The following FOXO1 variants were observed in gnomAD, a reference collection of about 807,000 sequenced individuals.
FOXO1 encodes forkhead box protein O1.
Under a neutral mutation model 44.1 loss-of-function variants are expected in FOXO1, and 6 were observed. The ratio of observed to expected loss-of-function variants is 0.14; its 90% CI spans 0.07 to 0.27. The LOEUF is 0.27. Ranked by LOEUF, FOXO1 falls within the 10% of genes least tolerant of loss-of-function variation. The pLI is 1.00. For synonymous variants in FOXO1, 380 were observed against 362.7 expected (o/e 1.05, Z -0.54); for missense variants, 737 against 888.8 (o/e 0.83, Z 2.17).
At chr13:40,659,374 C>CTCTCATA (rs1279215875) in intron 1 of FOXO1, among the ~76,000 whole-genome samples, 1 of 149,960 alleles carries the variant, frequency 6.7e-6, no homozygotes, top group Non-Finnish European at 1.5e-5. Flanking sequence ...ACACGCCCAA[C>CTCTCATA]TCTCATAAAG....
At chr13:40,616,172 C>G (rs562549251) in intron 1 of FOXO1, among the ~76,000 whole-genome samples, 4 of 152,152 alleles carry the variant, frequency 2.6e-5, no homozygotes, top group South Asian at 2.1e-4. Context: ...CTTCCTAAAT[C>G]TGAAAGAGCT....
chr13:40,568,438 A>T (rs1874354134), intron 1 of FOXO1, among the ~76,000 whole-genome samples: 1 of 152,190 alleles, frequency 6.6e-6, no homozygotes, highest in East Asian at 1.9e-4. Context: ...AAACAAACTG[A>T]ACTAGGAAAA....
intron 1 of FOXO1, among the ~76,000 whole-genome samples, chr13:40,595,240 T>G (rs1292722166): frequency 6.6e-6 from 1 of 152,176 alleles, no homozygotes; most frequent in Non-Finnish European, 1.5e-5. Context: ...AAGCCTAGCT[T>G]TAAAAGAGCT....
intron 1 of FOXO1, among the ~76,000 whole-genome samples, chr13:40,616,386 A>T (rs984661257): frequency 2.0e-5 from 3 of 152,244 alleles, no homozygotes; most frequent in Non-Finnish European, 4.4e-5. Flanking sequence ...AGATGTATGA[A>T]GGACAGAGAA....
intron 1 of FOXO1, among the ~76,000 whole-genome samples, chr13:40,581,207 A>G (rs1452108773): frequency 6.6e-6 from 1 of 152,176 alleles, no homozygotes; most frequent in African/African-American, 2.4e-5. Context: ...AAAAACCTGA[A>G]GTGACACTGC....
At chr13:40,664,829 C>CCGCG (rs1878168581) in intron 1 of FOXO1, among the ~76,000 whole-genome samples, 3 of 151,620 alleles carry the variant, frequency 2.0e-5, no homozygotes, top group Non-Finnish European at 4.4e-5. Flanking sequence ...CCGCCACCGC[C>CCGCG]ACCGCCCGCG....
At chr13:40,595,395 G>C (rs143143309) in intron 1 of FOXO1, among the ~76,000 whole-genome samples, 1 of 152,132 alleles carries the variant, frequency 6.6e-6, no homozygotes, top group African/African-American at 2.4e-5. Flanking sequence ...TCAAAACGCA[G>C]ATCCTCGTTC....
chr13:40,596,740 T>C (rs1875591521), intron 1 of FOXO1, among the ~76,000 whole-genome samples: 1 of 152,150 alleles, frequency 6.6e-6, no homozygotes, highest in East Asian at 1.9e-4. Flanking sequence ...AAACGGAAGT[T>C]CCATGCCAGC....
Position 40,558,929 on chromosome 13 carries a change from T to TTC in FOXO1, c.*119_*120insGA. 2.5e-6 allele frequency: 1 copy of TTC among 396,790 alleles called. No individual in the cohort carries two copies. The highest frequency in any genetic ancestry group is 4.4e-6 in the Non-Finnish European group (1 of 225,232). 24.6% of individuals were successfully genotyped at this position (396,790 alleles called of 1,614,324 possible). A position where few individuals can be genotyped will look rare whatever the true frequency, so the allele number is the denominator to read the frequency against. ...AAAAAAGGAGGGTTTTTTTTTTTGT[T>TTC]TTTTTTTTTAACCAAGAAAACTAAA... On this transcript the variant is annotated 3_prime_UTR_variant, in exon 3 of 3. Coordinates refer to ENST00000379561, the MANE Select transcript of FOXO1 (RefSeq NM_002015.4).
chr13:40,581,237 G>A (rs1036876734), intron 1 of FOXO1, among the ~76,000 whole-genome samples: 1 of 152,182 alleles, frequency 6.6e-6, no homozygotes, highest in Non-Finnish European at 1.5e-5. Flanking sequence ...AAAAAGGGGA[G>A]CGAGCACAAA....
At chr13:40,596,317 A>G (rs375027697) in intron 1 of FOXO1, among the ~76,000 whole-genome samples, 20 of 152,234 alleles carry the variant, frequency 1.3e-4, no homozygotes, top group African/African-American at 4.6e-4. Flanking sequence ...ATCCAGGCAG[A>G]TAATTATTAT....
intron 1 of FOXO1, among the ~76,000 whole-genome samples, chr13:40,576,706 C>T (rs1162227875): frequency 6.6e-6 from 1 of 152,186 alleles, no homozygotes; most frequent in Non-Finnish European, 1.5e-5. Flanking sequence ...TTGAAGGATA[C>T]TTGATTGTTT....
chr13:40,644,183 G>C (rs574984292), intron 1 of FOXO1, among the ~76,000 whole-genome samples: 12 of 152,140 alleles, frequency 7.9e-5, no homozygotes, highest in Non-Finnish European at 1.3e-4. Flanking sequence ...CAGTGATCTC[G>C]AAGCAAGTTT....
At chr13:40,621,127 G>T in intron 1 of FOXO1, 1 of 384,896 alleles carries the variant, frequency 2.6e-6, no homozygotes, top group South Asian at 2.8e-5. Context: ...AGAGCAGACT[G>T]ACAATCTTTC....
intron 1 of FOXO1, among the ~76,000 whole-genome samples, chr13:40,614,449 T>A (rs868046142): frequency 6.6e-6 from 1 of 152,312 alleles, no homozygotes; most frequent in East Asian, 1.9e-4. Context: ...GGACTCAAGG[T>A]CACTGGAGTT....
At chr13:40,658,174 A>T (rs978976878) in intron 1 of FOXO1, among the ~76,000 whole-genome samples, 3 of 152,230 alleles carry the variant, frequency 2.0e-5, no homozygotes, top group Admixed American at 6.5e-5. Flanking sequence ...TTGCACACTG[A>T]GCAAGATCTG....
At chr13:40,607,569 C>T (rs1876056525) in intron 1 of FOXO1, among the ~76,000 whole-genome samples, 1 of 152,162 alleles carries the variant, frequency 6.6e-6, no homozygotes, top group Non-Finnish European at 1.5e-5. Flanking sequence ...AGCTTAAAGC[C>T]TATAGGGGAG....
intron 1 of FOXO1, among the ~76,000 whole-genome samples, chr13:40,589,463 C>T (rs1875290942): frequency 6.6e-6 from 1 of 152,172 alleles, no homozygotes; most frequent in Admixed American, 6.5e-5. Context: ...ATGTAAGTGT[C>T]ACTAAAACCG....
intron 1 of FOXO1, among the ~76,000 whole-genome samples, chr13:40,647,680 C>T (rs768099851): frequency 6.6e-6 from 1 of 152,218 alleles, no homozygotes; most frequent in Non-Finnish European, 1.5e-5. Flanking sequence ...GCTAGGATCA[C>T]AGGCATGAGC....
Sources: allele counts gnomAD v4.1 joint callset (sites outside exome capture counted in the v4.1 genomes callset), GRCh38; gene constraint gnomAD v4.1.1; transcripts MANE v1.5; gene names NCBI Gene and HGNC (gene_info 2026-07-23, HGNC 2026-07-21).